Variants in RSF1 observed in about 807,000 individuals in gnomAD.
RSF1 encodes remodeling and spacing factor 1, also known as HBV pX-associated protein 8.
RSF1 carries 13 observed loss-of-function variants against 145.2 expected under a neutral mutation model. The ratio of observed to expected loss-of-function variants is 0.09; its 90% CI spans 0.06 to 0.14. The LOEUF is 0.14. RSF1 is among the 10% of genes least tolerant of loss of function. RSF1 has a pLI of 1.00. For missense variants in RSF1, 1,517 were observed against 1,718.2 expected (o/e 0.88, Z 2.07); for synonymous variants, 577 against 592.6 (o/e 0.97, Z 0.38).
At chr11:77,685,960 C>T (rs1959992941) in intron 9 of RSF1, among the ~76,000 whole-genome samples, 2 of 152,068 alleles carry the variant, frequency 1.3e-5, no homozygotes, top group Admixed American at 1.3e-4. Flanking sequence ...TCATTCCTTG[C>T]TGTTGAAAGA....
intron 15 of RSF1, among the ~76,000 whole-genome samples, chr11:77,671,736 G>A (rs1197176395): frequency 1.3e-5 from 2 of 151,234 alleles, no homozygotes; most frequent in African/African-American, 4.9e-5. Context: ...CCAGGTTCAA[G>A]CAATTCTCCT....
intron 4 of RSF1, among the ~76,000 whole-genome samples, chr11:77,737,495 A>C (rs1961385590): frequency 6.6e-6 from 1 of 151,370 alleles, no homozygotes; most frequent in Non-Finnish European, 1.5e-5. Flanking sequence ...AACAACAAAA[A>C]AACGGAAAAC....
chr11:77,776,411 T>C (rs1418095016), intron 1 of RSF1, among the ~76,000 whole-genome samples: 1 of 152,202 alleles, frequency 6.6e-6, no homozygotes, highest in African/African-American at 2.4e-5. Context: ...TACTCCTTGC[T>C]AATAAGTGAT....
chr11:77,863,987 C>T, the RSF1 span, among the ~76,000 whole-genome samples: 1 of 151,250 alleles, frequency 6.6e-6, no homozygotes, highest in Non-Finnish European at 1.5e-5. Context: ...AGTTCAGTGG[C>T]GCGATCCTGG....
intron 15 of RSF1, among the ~76,000 whole-genome samples, chr11:77,667,732 C>A (rs1454336124): frequency 6.6e-6 from 1 of 152,112 alleles, no homozygotes; most frequent in East Asian, 1.9e-4. Context: ...GAGACAGAGT[C>A]TCGCACTGTT....
chr11:77,673,193 A>G (rs1959602295), intron 14 of RSF1, among the ~76,000 whole-genome samples: 1 of 152,226 alleles, frequency 6.6e-6, no homozygotes, highest in African/African-American at 2.4e-5. Context: ...TCTGTTCCAC[A>G]TAAATACAGA....
At chr11:77,771,098 G>A (rs1948280789) in intron 1 of RSF1, among the ~76,000 whole-genome samples, 1 of 152,104 alleles carries the variant, frequency 6.6e-6, no homozygotes, top group African/African-American at 2.4e-5. Context: ...AAGGGGGGAA[G>A]AAAGAAAGGG....
intron 2 of RSF1, among the ~76,000 whole-genome samples, chr11:77,754,279 C>T (rs749478208): frequency 1.3e-5 from 2 of 152,068 alleles, no homozygotes; most frequent in African/African-American, 2.4e-5. Flanking sequence ...TACTCTGGAT[C>T]GGGTGCTTAC....
At chr11:77,728,330 G>A (rs1400920213) in intron 4 of RSF1, among the ~76,000 whole-genome samples, 1 of 152,094 alleles carries the variant, frequency 6.6e-6, no homozygotes, top group Admixed American at 6.6e-5. Flanking sequence ...AAGGAATAAA[G>A]TTCTGATTTA....
In RSF1 at chr11:77,706,997, A is replaced by G. The variant is rs997952714; in HGVS notation, c.734-4502T>C. Among the ~76,000 whole-genome samples the G allele has an allele frequency of 7.9e-5, 12 of 152,288 alleles. No homozygotes were observed. The South Asian group carries it at 1.5e-3, about 18-fold the overall frequency. On this transcript the variant is annotated intron_variant, in intron 5 of 15. Transcript: ENST00000308488. ...TTATAGGCAAGATCTTACCTTCCTC[A>G]AGCCCAGTTACAATATCACTCCATT...
chr11:77,773,241 C>T (rs964993638), intron 1 of RSF1, among the ~76,000 whole-genome samples: 15 of 151,928 alleles, frequency 9.9e-5, no homozygotes, highest in South Asian at 2.1e-4. Flanking sequence ...ATTTATTTAA[C>T]GGTGGTAAAA....
intron 1 of RSF1, among the ~76,000 whole-genome samples, chr11:77,781,243 C>T (rs182532396): frequency 2.1e-3 from 320 of 152,170 alleles, no homozygotes; most frequent in African/African-American, 7.3e-3. Context: ...GGATTACAGG[C>T]ATGTGCCACC....
At chr11:77,726,477 A>G (rs370813982) in intron 4 of RSF1, among the ~76,000 whole-genome samples, 1 of 152,104 alleles carries the variant, frequency 6.6e-6, no homozygotes, top group Admixed American at 6.5e-5. Context: ...ATAAAATCCT[A>G]TATTTTTACT....
chr11:77,808,041 T>TA (rs1168636890), intron 1 of RSF1, among the ~76,000 whole-genome samples: 4 of 151,868 alleles, frequency 2.6e-5, no homozygotes, highest in Admixed American at 2.0e-4. Flanking sequence ...ATTTTTTAAA[T>TA]AAAAAAATTA....
Position 77,701,233 on chromosome 11 carries a change from G to A in RSF1, c.1996C>T (p.Leu666=), listed in dbSNP as rs1290839009. 1 of 1,614,070 alleles carries A rather than the reference G, an allele frequency of 6.2e-7. No homozygotes were observed. Among genetic ancestry groups the A allele is most frequent in the Non-Finnish European group, 8.5e-7 (1 of 1,180,014 alleles). The change falls in exon 6 of 16, where the codon CTA becomes TTA. Residue 666 remains leucine, a synonymous_variant. Coordinates refer to ENST00000308488, the MANE Select transcript of RSF1 (RefSeq NM_016578.4). ...VGGQSVKKVD[L]ETLKEDSEFT... is the part of the protein sequence containing the mutation. ...TCAGAATCCTCTTTTAGGGTTTCTA[G>A]GTCTACTTTTTTCACAGACTGGCCA...
chr11:77,685,540 C>A (rs1205784698), intron 9 of RSF1, among the ~76,000 whole-genome samples: 2 of 152,190 alleles, frequency 1.3e-5, no homozygotes, highest in African/African-American at 4.8e-5. Context: ...AAGCGATCCA[C>A]CCACCTTGAC....
At chr11:77,731,133 C>G (rs1961197416) in intron 4 of RSF1, among the ~76,000 whole-genome samples, 1 of 152,074 alleles carries the variant, frequency 6.6e-6, no homozygotes. Flanking sequence ...ATGCTGACAG[C>G]AATATGAACA....
intron 7 of RSF1, among the ~76,000 whole-genome samples, chr11:77,697,230 T>C (rs1054342633): frequency 6.6e-6 from 1 of 151,924 alleles, no homozygotes; most frequent in South Asian, 2.1e-4. Context: ...GAACCACTTC[T>C]TAGGAATTTT....
intron 1 of RSF1, chr11:77,813,528 A>C: frequency 1.3e-6 from 1 of 758,498 alleles, no homozygotes; most frequent in South Asian, 1.4e-5. Flanking sequence ...TGGTCCTTTC[A>C]CTTGGAGATT....
Sources: gnomAD v4.1 joint callset for allele counts (sites outside exome capture counted in the v4.1 genomes callset) on GRCh38, gnomAD v4.1.1 for gene constraint, MANE v1.5 for transcripts, NCBI Gene and HGNC (gene_info 2026-07-23, HGNC 2026-07-21) for gene names.